LILRB1: variants seen among roughly 807,000 people sequenced by gnomAD.
The protein encoded by LILRB1 is leukocyte immunoglobulin like receptor B1, also known as leukocyte immunoglobulin-like receptor subfamily B member 1.
A neutral mutation model predicts 74.6 loss-of-function variants in LILRB1; 59 were observed. That is an observed-to-expected ratio of 0.79 (90% CI 0.64 to 0.98). The LOEUF (loss-of-function observed/expected upper bound fraction) is 0.98. Among genes scored for constraint, LILRB1 ranks in the 50% least tolerant of loss-of-function variants. The pLI is 0.00. For synonymous variants in LILRB1, 328 were observed against 333.9 expected, an observed-to-expected ratio of 0.98 and a Z score of 0.19; for missense variants, 804 against 822.6, an observed-to-expected ratio of 0.98 and a Z score of 0.28.
In LILRB1 at chr19:54,634,961, C is replaced by T. The variant is rs969366817; in HGVS notation, c.1487-143C>T. The T allele has an allele frequency of 2.1e-6, 3 of 1,448,648 alleles. No individual in the cohort carries two copies. The African/African-American group carries it at 4.3e-5, about 21-fold the overall frequency. 89.7% of individuals were successfully genotyped at this position (1,448,648 alleles called of 1,614,324 possible). A position where few individuals can be genotyped will look rare whatever the true frequency, so the allele number is the denominator to read the frequency against. On this transcript the variant is annotated intron_variant, in intron 10 of 14. Transcript: ENST00000324602. Reference sequence around the variant, plus strand: ...GTGCCATCTACAAATGTAAAGTGTCCTTCGGGCTCTGTCCATCCTATGAGG... The same window carrying T: ...GTGCCATCTACAAATGTAAAGTGTCTTTCGGGCTCTGTCCATCCTATGAGG...
At chr19:54,617,056 A>T (rs1487823721), upstream of LILRB1, 1 of 152,260 alleles carries the variant, frequency 6.6e-6, no homozygotes, top group African/African-American at 2.4e-5. Flanking sequence ...GGAAGAAATG[A>T]CTCAGTGGTG....
chr19:54,637,057 AG>A lies in LILRB1; in HGVS notation c.*180del, dbSNP rs2064508768. On this transcript the variant is annotated 3_prime_UTR_variant, in exon 15 of 15. Transcript: ENST00000324602. ...TAATGTCTCTACAATTTTGAAATAAAGCAACAGACTTCTCAATAATCAATGA... is the reference window on the plus strand; with the variant it reads ...TAATGTCTCTACAATTTTGAAATAAACAACAGACTTCTCAATAATCAATGA... 5.9e-6 allele frequency: 4 copies of A among 677,546 alleles called. No homozygotes were observed. The highest frequency in any genetic ancestry group is 5.4e-5 in the African/African-American group (3 of 55,520). The allele number at this position is 677,546 out of a possible 1,614,324, so 42.0% of individuals were successfully genotyped here. A position where few individuals can be genotyped will look rare whatever the true frequency, so the allele number is the denominator to read the frequency against.
intron 1 of LILRB1, among the ~76,000 whole-genome samples, chr19:54,618,946 A>G (rs527515404): frequency 8.5e-5 from 13 of 152,194 alleles, no homozygotes; most frequent in Non-Finnish European, 1.6e-4. Flanking sequence ...CTTGTCACAT[A>G]ATTTACAATC....
In LILRB1 at chr19:54,631,680, C is replaced by T. The variant is rs2063867720; in HGVS notation, c.251C>T (p.Pro84Leu). 3.1e-6 allele frequency: 5 copies of T among 1,614,046 alleles called. No individual in the cohort carries two copies. Among genetic ancestry groups the T allele is most frequent in the Non-Finnish European group, 4.2e-6 (5 of 1,179,842 alleles). The change falls in exon 4 of 15, where the codon CCC (proline) becomes CTC (leucine). Residue 84 changes from proline to leucine, a missense_variant. Pro to Leu is a moderately conservative substitution (Grantham distance 98). Coordinates refer to ENST00000324602, the MANE Select transcript of LILRB1 (RefSeq NM_001081637.3). Reference protein sequence around the residue: ...PQELVKKGQFPIPSITWEHTG... With the variant: ...PQELVKKGQFLIPSITWEHTG... ...GAGCTTGTGAAGAAGGGCCAGTTCCCCATCCCATCCATCACCTGGGAACAC... is the reference window on the plus strand; with the variant it reads ...GAGCTTGTGAAGAAGGGCCAGTTCCTCATCCCATCCATCACCTGGGAACAC...
upstream of LILRB1, among the ~76,000 whole-genome samples, chr19:54,625,476 C>T (rs954947282): frequency 1.3e-5 from 2 of 152,130 alleles, no homozygotes; most frequent in Non-Finnish European, 2.9e-5. Flanking sequence ...TCTGGGAACT[C>T]CCTGTGCCTC....
chr19:54,627,091 A>C (rs539926776), upstream of LILRB1, among the ~76,000 whole-genome samples: 1 of 152,142 alleles, frequency 6.6e-6, no homozygotes, highest in Non-Finnish European at 1.5e-5. Context: ...GGTTTCCTCC[A>C]TTTTTTGCTT....
At position 54,635,597 on chromosome 19, in the gene LILRB1, G is replaced by A. The variant is rs61739256; in HGVS notation, c.1641G>A (p.Glu547=). The A allele has an allele frequency of 1.2e-6, 2 of 1,614,016 alleles. No individual in the cohort carries two copies. The highest frequency in any genetic ancestry group is 1.1e-5 in the South Asian group (1 of 91,044). The change falls in exon 13 of 15, where the codon GAG becomes GAA. Residue 547 remains glutamate (E), a synonymous_variant. Coordinates refer to ENST00000324602, the MANE Select transcript of LILRB1 (RefSeq NM_001081637.3). ...ACACACAGCCTGAGGATGGGGTGGA[G>A]ATGGACACTCGGGTGAGACCCCACC... ...VKHTQPEDGV[E]MDTRQSPHDE...
chr19:54,623,982 G>A (rs758339668), intron 1 of LILRB1, among the ~76,000 whole-genome samples: 10 of 152,172 alleles, frequency 6.6e-5, no homozygotes, highest in Non-Finnish European at 1.5e-4. Context: ...GCCAGGAGCT[G>A]GTGCTTAAGG....
intron 1 of LILRB1, among the ~76,000 whole-genome samples, chr19:54,622,145 A>G (rs1012509514): frequency 6.6e-6 from 1 of 152,112 alleles, no homozygotes; most frequent in Non-Finnish European, 1.5e-5. Context: ...TTCTTTTTGC[A>G]TAGAAGTGTT....
At chr19:54,635,862 C>T (rs766804020) in intron 13 of LILRB1, 30 of 680,598 alleles carry the variant, frequency 4.4e-5, no homozygotes, top group African/African-American at 2.5e-4. Context: ...TCTCCCCAGG[C>T]CTCAGGAGGA....
At chr19:54,624,238 C>T (rs941066424) in intron 1 of LILRB1, among the ~76,000 whole-genome samples, 2 of 152,196 alleles carry the variant, frequency 1.3e-5, no homozygotes, top group Admixed American at 6.5e-5. Flanking sequence ...AGTGAAATGC[C>T]CTGAGGTCTC....
chr19:54,631,279 C>G lies in LILRB1; in HGVS notation c.43C>G (p.Leu15Val). The G allele has an allele frequency of 6.2e-7, 1 of 1,613,550 alleles. No individual in the cohort carries two copies. The highest frequency in any genetic ancestry group is 1.1e-5 in the South Asian group (1 of 91,058). Residue 15 changes from leucine (L) to valine (V), a missense_variant, in exon 3 of 15, where the codon CTG becomes GTG. Leu to Val is a conservative substitution (Grantham distance 32). Coordinates refer to ENST00000324602, the MANE Select transcript of LILRB1 (RefSeq NM_001081637.3). ...LTVLICLGLS[L>V]GPRTHVQAGH... ...CGGGAACTCTCTTCCAGGGCTGAGT[C>G]TGGGCCCCCGGACCCACGTGCAGGC...
upstream of LILRB1, among the ~76,000 whole-genome samples, chr19:54,626,584 C>T (rs272422): frequency 0.038 from 5,627 of 148,334 alleles, 152 homozygotes; most frequent in East Asian, 0.11. Flanking sequence ...CAATACTATG[C>T]TCATCATTTC....
chr19:54,632,436 C>T (rs769172316), intron 5 of LILRB1, 28 bp from the exon 6 acceptor site: 2 of 1,577,760 alleles, frequency 1.3e-6, no homozygotes, highest in African/African-American at 1.4e-5. Flanking sequence ...AGGGTCGGCT[C>T]CTGGAAACCA....
chr19:54,618,697 T>G (rs1447469320), intron 1 of LILRB1, among the ~76,000 whole-genome samples: 1 of 152,162 alleles, frequency 6.6e-6, no homozygotes, highest in Non-Finnish European at 1.5e-5. Context: ...AAATAAGCCA[T>G]GTAATATTGT....
intron 1 of LILRB1, among the ~76,000 whole-genome samples, chr19:54,620,654 C>A (rs946686345): frequency 6.6e-6 from 1 of 152,112 alleles, no homozygotes; most frequent in African/African-American, 2.4e-5. Context: ...GAGAAGGGGA[C>A]TAGCCAACTC....
intron 13 of LILRB1, chr19:54,635,938 C>G: frequency 1.7e-6 from 1 of 591,540 alleles, no homozygotes; most frequent in South Asian, 1.5e-5. Flanking sequence ...GCAAGTGTTC[C>G]CAGGGAGCTC....
intron 1 of LILRB1, among the ~76,000 whole-genome samples, chr19:54,618,409 A>T (rs2063369607): frequency 6.6e-6 from 1 of 152,254 alleles, no homozygotes; most frequent in African/African-American, 2.4e-5. Context: ...GTAAAATAAG[A>T]TTAGAAATGT....
chr19:54,636,227 A>G (rs1404269434), intron 13 of LILRB1: 1 of 640,586 alleles, frequency 1.6e-6, no homozygotes, highest in African/African-American at 1.8e-5. Flanking sequence ...CCCTGCAGGC[A>G]GAGGAAACAA....
Sources: gnomAD v4.1 joint callset for allele counts (sites outside exome capture counted in the v4.1 genomes callset) on GRCh38, gnomAD v4.1.1 for gene constraint, MANE v1.5 for transcripts, NCBI Gene and HGNC (gene_info 2026-07-23, HGNC 2026-07-21) for gene names.